Variants in SH3RF2 observed in about 807,000 individuals in gnomAD.
SH3RF2 encodes the protein E3 ubiquitin-protein ligase SH3RF2.
SH3RF2 carries 43 observed loss-of-function variants against 59.0 expected under a neutral mutation model. The observed-to-expected ratio is 0.73, with a 90% CI of 0.57 to 0.94. The LOEUF (loss-of-function observed/expected upper bound fraction) is 0.94, where lower values mean the gene tolerates loss of function less well. Among genes scored for constraint, SH3RF2 ranks in the 40% least tolerant of loss-of-function variants. The pLI, the probability that SH3RF2 is intolerant of heterozygous loss-of-function variation, is 0.00. For synonymous variants in SH3RF2, 391 were observed against 391.5 expected (o/e 1.00, Z 0.01); for missense variants, 930 against 940.1 (o/e 0.99, Z 0.14).
chr5:146,062,515 A>G lies in SH3RF2; in HGVS notation c.2004A>G (p.Pro668=), dbSNP rs756488819. The G allele has an allele frequency of 1.2e-6, 2 of 1,614,176 alleles. No individual in the cohort carries two copies. The highest frequency in any genetic ancestry group is 1.3e-5 in the African/African-American group (1 of 75,038). Residue 668 remains proline (P), a synonymous_variant, in exon 10 of 10, where the codon CCA becomes CCG. Transcript: ENST00000359120. Reference sequence around the variant, plus strand: ...CCACCTCCGGAAAGCCTGAACAGCCAGCCACCCTCAAGGCGTCCCAGCCTG... The same window carrying G: ...CCACCTCCGGAAAGCCTGAACAGCCGGCCACCCTCAAGGCGTCCCAGCCTG... The part of the protein sequence containing the change: ...SHPTSGKPEQ[P]ATLKASQPEA...
At chr5:145,999,622 G>C (rs1760310209) in intron 2 of SH3RF2, among the ~76,000 whole-genome samples, 1 of 151,832 alleles carries the variant, frequency 6.6e-6, no homozygotes. Context: ...CAGAGAATAG[G>C]GAGGCCCAAG....
At chr5:145,938,368 G>A (rs1362808117) in intron 2 of SH3RF2, 62 bp downstream of exon 2, 4 of 1,475,966 alleles carry the variant, frequency 2.7e-6, no homozygotes, top group Non-Finnish European at 3.6e-6. Flanking sequence ...TGTATACAAG[G>A]AGCTAGAGAT....
intron 4 of SH3RF2, among the ~76,000 whole-genome samples, chr5:146,007,390 C>A (rs1000379146): frequency 2.6e-5 from 4 of 152,114 alleles, no homozygotes; most frequent in Non-Finnish European, 5.9e-5. Flanking sequence ...AAGGACAGCC[C>A]CACTTCTTGA....
intron 5 of SH3RF2, among the ~76,000 whole-genome samples, chr5:146,044,330 T>C (rs936978490): frequency 4.6e-5 from 7 of 152,078 alleles, no homozygotes; most frequent in African/African-American, 1.7e-4. Flanking sequence ...TTTGTATGTT[T>C]AGTAGAGACA....
At chr5:146,076,528 T>C (rs1409069184) in intron 9 of SH3RF2, among the ~76,000 whole-genome samples, 1 of 152,118 alleles carries the variant, frequency 6.6e-6, no homozygotes, top group East Asian at 1.9e-4. Context: ...TAACTCCAAA[T>C]CCTGTGTAAT....
chr5:146,074,175 G>A (rs1281755820), intron 9 of SH3RF2, among the ~76,000 whole-genome samples: 1 of 151,912 alleles, frequency 6.6e-6, no homozygotes, highest in Non-Finnish European at 1.5e-5. Flanking sequence ...GAGTAGCTGG[G>A]ACTACAGGCG....
In SH3RF2 at chr5:146,022,690, T is replaced by C. The variant is rs1018816804; in HGVS notation, c.1059+8629T>C. Among the ~76,000 whole-genome samples the C allele has an allele frequency of 1.1e-4, 16 of 152,014 alleles. No individual in the cohort carries two copies. In the East Asian group the frequency reaches 3.1e-3, roughly 30 times the overall value. On this transcript the variant is annotated intron_variant, in intron 5 of 9. Coordinates refer to ENST00000359120, the MANE Select transcript of SH3RF2 (RefSeq NM_152550.4). ...GAGTTCAAGACCAGCCTGGCCAACA[T>C]GGAGAAACCCCGTCTCTACTAAAAA...
intron 5 of SH3RF2, among the ~76,000 whole-genome samples, chr5:146,032,534 T>A (rs1253507549): frequency 6.6e-6 from 1 of 151,840 alleles, no homozygotes; most frequent in East Asian, 1.9e-4. Flanking sequence ...TGAAAAAAAA[T>A]GTTGTCTATT....
At chr5:146,019,421 A>C (rs1223275182) in intron 5 of SH3RF2, among the ~76,000 whole-genome samples, 1 of 152,066 alleles carries the variant, frequency 6.6e-6, no homozygotes, top group Non-Finnish European at 1.5e-5. Context: ...TTTGTTTAAA[A>C]GTGTTTGGCT....
intron 8 of SH3RF2, among the ~76,000 whole-genome samples, chr5:146,058,997 G>A (rs141620764): frequency 9.2e-5 from 14 of 152,164 alleles, no homozygotes; most frequent in Middle Eastern, 3.4e-3. Context: ...ACAGACATGC[G>A]GCATTTATCA....
At chr5:146,045,949 G>GT (rs1762287466) in intron 5 of SH3RF2, among the ~76,000 whole-genome samples, 1 of 152,208 alleles carries the variant, frequency 6.6e-6, no homozygotes. Context: ...AACCAGCAAT[G>GT]TATGAGGGTT....
intron 2 of SH3RF2, among the ~76,000 whole-genome samples, chr5:145,987,645 G>C (rs749603855): frequency 6.6e-6 from 1 of 152,034 alleles, no homozygotes; most frequent in Non-Finnish European, 1.5e-5. Flanking sequence ...ATATTTATGT[G>C]TGTTTATAAG....
chr5:146,068,943 C>T (rs1223744510), intron 9 of SH3RF2, among the ~76,000 whole-genome samples: 1 of 151,988 alleles, frequency 6.6e-6, no homozygotes, highest in East Asian at 1.9e-4. Context: ...TTGTCAATAC[C>T]ACTGAAGTCC....
At chr5:146,046,276 A>T (rs879937942) in intron 5 of SH3RF2, among the ~76,000 whole-genome samples, 1 of 152,220 alleles carries the variant, frequency 6.6e-6, no homozygotes. Flanking sequence ...CAATGGACCA[A>T]TGCCATCACA....
intron 4 of SH3RF2, among the ~76,000 whole-genome samples, chr5:146,004,789 AAAAGT>A: frequency 6.6e-6 from 1 of 152,264 alleles, no homozygotes; most frequent in East Asian, 1.9e-4. Context: ...TAAGTTTTTT[AAAAGT>A]TTAATAGGTA....
At chr5:145,997,259 A>C (rs1006683907) in intron 2 of SH3RF2, 1 of 947,734 alleles carries the variant, frequency 1.1e-6, no homozygotes, top group Non-Finnish European at 1.7e-6. Flanking sequence ...TGATACATGC[A>C]TCTGTAAATG....
At chr5:146,039,972 G>A (rs950048147) in intron 5 of SH3RF2, among the ~76,000 whole-genome samples, 2 of 152,194 alleles carry the variant, frequency 1.3e-5, no homozygotes, top group African/African-American at 4.8e-5. Context: ...AAAGATGCAA[G>A]TCACAGAATA....
chr5:146,072,038 C>T (rs1486293023), intron 9 of SH3RF2, among the ~76,000 whole-genome samples: 2 of 152,064 alleles, frequency 1.3e-5, no homozygotes, highest in South Asian at 2.1e-4. Context: ...AAGAGAGCTT[C>T]GTGAAGAAGA....
intron 2 of SH3RF2, among the ~76,000 whole-genome samples, chr5:145,975,730 G>A (rs557116566): frequency 2.0e-5 from 3 of 152,350 alleles, no homozygotes; most frequent in Admixed American, 6.5e-5. Flanking sequence ...TGGACCCTTG[G>A]CAGAGAGCCA....
Sources: allele counts gnomAD v4.1 joint callset (sites outside exome capture counted in the v4.1 genomes callset), GRCh38; gene constraint gnomAD v4.1.1; transcripts MANE v1.5; gene names NCBI Gene and HGNC (gene_info 2026-07-23, HGNC 2026-07-21).